ZDHHC13: variants seen among roughly 807,000 people sequenced by gnomAD.
ZDHHC13 encodes the protein zDHHC palmitoyltransferase 13, also known as palmitoyltransferase ZDHHC13.
In ZDHHC13, 85 loss-of-function variants were observed where a neutral mutation model predicts 86.0. The observed-to-expected ratio is 0.99, with a 90% CI of 0.83 to 1.18. The LOEUF (loss-of-function observed/expected upper bound fraction) is 1.18. Ranked by LOEUF, ZDHHC13 falls within the 50% of genes most tolerant of loss-of-function variation. ZDHHC13 has a pLI of 0.00. For missense variants in ZDHHC13, 711 were observed against 730.2 expected (o/e 0.97, Z 0.30); for synonymous variants, 263 against 246.4 (o/e 1.07, Z -0.63).
At chr11:19,171,404 G>A (rs1407386579) in intron 15 of ZDHHC13, among the ~76,000 whole-genome samples, 1 of 151,830 alleles carries the variant, frequency 6.6e-6, no homozygotes, top group Non-Finnish European at 1.5e-5. Flanking sequence ...CCACTTTTAT[G>A]GGAAAGTAAT....
intron 1 of ZDHHC13, among the ~76,000 whole-genome samples, chr11:19,124,219 A>G (rs2133360002): frequency 6.6e-6 from 1 of 152,306 alleles, no homozygotes; most frequent in African/African-American, 2.4e-5. Context: ...TTGTTACATG[A>G]GAAAAGCAAG....
chr11:19,132,753 T>C (rs1849029761), intron 1 of ZDHHC13, among the ~76,000 whole-genome samples: 1 of 152,080 alleles, frequency 6.6e-6, no homozygotes, highest in East Asian at 1.9e-4. Flanking sequence ...ACCTTGTGTA[T>C]TTGTTTTGTT....
chr11:19,142,034 C>T (rs962210040), intron 1 of ZDHHC13, among the ~76,000 whole-genome samples: 2 of 150,042 alleles, frequency 1.3e-5, no homozygotes, highest in South Asian at 2.1e-4. Flanking sequence ...GCACGCCACC[C>T]GTAACACCTA....
At chr11:19,128,677 CA>C (rs1848927123) in intron 1 of ZDHHC13, among the ~76,000 whole-genome samples, 1 of 152,056 alleles carries the variant, frequency 6.6e-6, no homozygotes, top group Non-Finnish European at 1.5e-5. Context: ...TTTTTATTCT[CA>C]ATTGTGTATT....
intron 1 of ZDHHC13, among the ~76,000 whole-genome samples, chr11:19,137,753 A>T (rs1304087447): frequency 6.6e-6 from 1 of 152,242 alleles, no homozygotes; most frequent in African/African-American, 2.4e-5. Context: ...CAGGATTAAG[A>T]ATCTCACTCA....
At chr11:19,174,138 C>G (rs978178267) in intron 16 of ZDHHC13, among the ~76,000 whole-genome samples, 1 of 152,132 alleles carries the variant, frequency 6.6e-6, no homozygotes, top group Admixed American at 6.5e-5. Context: ...AGTCTGATAA[C>G]CCAACAGGCA....
At chr11:19,133,202 G>A (rs1849039985) in intron 1 of ZDHHC13, among the ~76,000 whole-genome samples, 1 of 152,150 alleles carries the variant, frequency 6.6e-6, no homozygotes, top group Non-Finnish European at 1.5e-5. Flanking sequence ...GGAGTCTGAT[G>A]ATACCAAGTA....
At chr11:19,138,061 C>G (rs1247513922) in intron 1 of ZDHHC13, among the ~76,000 whole-genome samples, 5 of 151,526 alleles carry the variant, frequency 3.3e-5, no homozygotes, top group African/African-American at 7.3e-5. Context: ...TAACTAAAAT[C>G]AGAGCAGAAC....
chr11:19,169,588 A>AT (rs1850165624), intron 14 of ZDHHC13: 1 of 985,358 alleles, frequency 1.0e-6, no homozygotes, highest in Non-Finnish European at 1.2e-6. Flanking sequence ...AATCGACAGA[A>AT]TTATCTTTTA....
intron 1 of ZDHHC13, among the ~76,000 whole-genome samples, chr11:19,136,524 C>T (rs182256178): frequency 2.0e-5 from 3 of 152,232 alleles, no homozygotes; most frequent in Admixed American, 2.0e-4. Context: ...GGAGAACTTC[C>T]CCAATGTAGC....
At chr11:19,162,747 A>G (rs1590087674) in intron 10 of ZDHHC13, among the ~76,000 whole-genome samples, 1 of 152,188 alleles carries the variant, frequency 6.6e-6, no homozygotes, top group South Asian at 2.1e-4. Flanking sequence ...ATGAAACTGA[A>G]CGTATTTTTG....
intron 9 of ZDHHC13, 75 bp downstream of exon 9, chr11:19,156,004 G>A: frequency 6.8e-7 from 1 of 1,478,498 alleles, no homozygotes; most frequent in Admixed American, 2.7e-5. Flanking sequence ...TTGGTTAGCT[G>A]GAGTCACAGA....
intron 1 of ZDHHC13, among the ~76,000 whole-genome samples, chr11:19,129,798 A>C (rs1464589705): frequency 6.6e-6 from 1 of 152,120 alleles, no homozygotes; most frequent in Non-Finnish European, 1.5e-5. Flanking sequence ...TCTGCCTCAT[A>C]AAATGAGCTG....
At position 19,150,942 on chromosome 11, in the gene ZDHHC13, A is replaced by G. The variant is rs74344060; in HGVS notation, c.584+151A>G. On this transcript the variant is annotated intron_variant, in intron 6 of 16. Coordinates refer to ENST00000446113, the MANE Select transcript of ZDHHC13 (RefSeq NM_019028.3). The stretch of plus-strand genomic sequence containing the variant: ...CAGAGACTGTGATAATTGACTTTTA[A>G]GGTAGTTATAGTTAGAAAAGCAGCC... 6.8e-3 allele frequency among the ~76,000 whole-genome samples: 1,042 copies of G among 152,204 alleles called. 9 individuals are homozygous for G. The highest frequency in any genetic ancestry group is 0.024 in the African/African-American group (984 of 41,566).
intron 1 of ZDHHC13, among the ~76,000 whole-genome samples, chr11:19,135,287 T>A (rs972073650): frequency 1.3e-5 from 2 of 152,160 alleles, no homozygotes; most frequent in African/African-American, 4.8e-5. Flanking sequence ...GGAGTTCCCT[T>A]TCCTAGTCAA....
At chr11:19,163,540 G>T in intron 11 of ZDHHC13, 113 bp downstream of exon 11, 1 of 1,115,078 alleles carries the variant, frequency 9.0e-7, no homozygotes, top group African/African-American at 1.6e-5. Context: ...GACATGTGGG[G>T]TGATATAGCA....
At chr11:19,143,428 T>A (rs1849376914) in intron 2 of ZDHHC13, among the ~76,000 whole-genome samples, 1 of 152,234 alleles carries the variant, frequency 6.6e-6, no homozygotes, top group South Asian at 2.1e-4. Context: ...GTTCCTTGAA[T>A]GAATGGATGA....
rs181796659 is a variant in ZDHHC13, at chr11:19,128,904, G to A, written c.27+11628G>A. On this transcript the variant is annotated intron_variant, in intron 1 of 16. Transcript: ENST00000446113. Reference sequence around the variant, plus strand: ...GACCACACATATGATGTTGATCAGAGCAGTAGTTTATATCATCTAGCCTAA... The same window carrying A: ...GACCACACATATGATGTTGATCAGAACAGTAGTTTATATCATCTAGCCTAA... Among the ~76,000 whole-genome samples, 25 of 152,298 alleles carry A rather than the reference G, an allele frequency of 1.6e-4. No homozygotes were observed. The East Asian group carries it at 4.4e-3, about 27-fold the overall frequency.
At chr11:19,140,572 G>A (rs368423718) in intron 1 of ZDHHC13, among the ~76,000 whole-genome samples, 2 of 152,010 alleles carry the variant, frequency 1.3e-5, no homozygotes, top group Non-Finnish European at 2.9e-5. Flanking sequence ...CTGGGTATAT[G>A]CCCAAAGGAC....
Sources: gnomAD v4.1 joint callset for allele counts (sites outside exome capture counted in the v4.1 genomes callset) on GRCh38, gnomAD v4.1.1 for gene constraint, MANE v1.5 for transcripts, NCBI Gene and HGNC (gene_info 2026-07-23, HGNC 2026-07-21) for gene names.